SPIRE1: variants seen among roughly 807,000 people sequenced by gnomAD.
The protein encoded by SPIRE1 is protein spire homolog 1.
A neutral mutation model predicts 94.1 loss-of-function variants in SPIRE1; 40 were observed. The observed-to-expected ratio is 0.43, with a 90% CI of 0.33 to 0.55. The LOEUF (loss-of-function observed/expected upper bound fraction) is 0.55. Among genes scored for constraint, SPIRE1 ranks in the 20% least tolerant of loss-of-function variants. The pLI is 0.06. For missense variants in SPIRE1, 838 were observed against 975.2 expected, an observed-to-expected ratio of 0.86 and a Z score of 1.87; for synonymous variants, 376 against 371.7, an observed-to-expected ratio of 1.01 and a Z score of -0.13.
intron 2 of SPIRE1, among the ~76,000 whole-genome samples, chr18:12,619,171 T>C (rs567277703): frequency 3.9e-5 from 6 of 152,264 alleles, no homozygotes; most frequent in African/African-American, 9.6e-5. Context: ...ACTGGGATTA[T>C]AGACGTGGGC....
At chr18:12,569,340 CAAAAAA>C (rs11344272) in intron 2 of SPIRE1, among the ~76,000 whole-genome samples, 1 of 114,416 alleles carries the variant, frequency 8.7e-6, no homozygotes, top group Admixed American at 8.8e-5. Context: ...GACTCCGTCT[CAAAAAA>C]AAAAAAAAAA....
At chr18:12,471,103 TAAA>T (rs138606031) in intron 10 of SPIRE1, among the ~76,000 whole-genome samples, 10 of 96,916 alleles carry the variant, frequency 1.0e-4, no homozygotes, top group Non-Finnish European at 1.3e-4. Flanking sequence ...CATCTTTCAG[TAAA>T]AAAAAAAAAA....
At chr18:12,538,356 G>A (rs368651090) in intron 3 of SPIRE1, among the ~76,000 whole-genome samples, 1 of 152,146 alleles carries the variant, frequency 6.6e-6, no homozygotes, top group African/African-American at 2.4e-5. Context: ...ATTTAACATT[G>A]CTGGGTTTCC....
Position 12,447,736 on chromosome 18 carries a change from C to T in SPIRE1, c.*1902G>A, listed in dbSNP as rs1314973330. On this transcript the variant is annotated 3_prime_UTR_variant, in exon 17 of 17. Coordinates refer to ENST00000409402, the MANE Select transcript of SPIRE1 (RefSeq NM_001128626.2). ...TTGCTTTGTGAATGTGAATGAAAGT[C>T]TTATTTTGGGGGTGTAGTTTCTTAT... is the stretch of plus-strand genomic sequence containing the variant. 6.6e-6 allele frequency: 1 copy of T among 152,104 alleles called. No individual in the cohort carries two copies. Among genetic ancestry groups the T allele is most frequent in the African/African-American group, 2.4e-5 (1 of 41,410 alleles). The allele number at this position is 152,104 out of a possible 1,614,324, so 9.4% of individuals were successfully genotyped here. A position where few individuals can be genotyped will look rare whatever the true frequency, so the allele number is the denominator to read the frequency against.
chr18:12,652,630 C>T (rs917434251), intron 1 of SPIRE1, among the ~76,000 whole-genome samples: 3 of 151,940 alleles, frequency 2.0e-5, no homozygotes, highest in Non-Finnish European at 4.4e-5. Context: ...ACTTTTATGG[C>T]CATGCTAGCA....
At chr18:12,645,055 G>A (rs2038187148) in intron 1 of SPIRE1, among the ~76,000 whole-genome samples, 1 of 151,832 alleles carries the variant, frequency 6.6e-6, no homozygotes. Flanking sequence ...AGACCAGCCT[G>A]GGGAACCTGG....
chr18:12,534,377 T>A (rs563462937), intron 4 of SPIRE1, among the ~76,000 whole-genome samples: 1 of 152,348 alleles, frequency 6.6e-6, no homozygotes, highest in Admixed American at 6.5e-5. Flanking sequence ...GTAAAAGAAA[T>A]GATACTGTGA....
chr18:12,529,185 T>C lies in SPIRE1; in HGVS notation c.729+6291A>G, dbSNP rs887008092. Among the ~76,000 whole-genome samples, 4 of 151,960 alleles carry C rather than the reference T, an allele frequency of 2.6e-5. No individual in the cohort carries two copies. In the East Asian group the frequency reaches 5.8e-4, roughly 22 times the overall value. ...GAGATCAAGACCATCCTGGCTAACA[T>C]GGTGAAACCCCGTCTCTACTAAAAA... On this transcript the variant is annotated intron_variant, in intron 4 of 16. Transcript: ENST00000409402.
rs143033395 is a variant in SPIRE1 at position 12,576,837 on chromosome 18, C to T, written c.373-29933G>A. 9.8e-3 allele frequency among the ~76,000 whole-genome samples: 1,385 copies of T among 141,462 alleles called. 29 individuals are homozygous for T. Among genetic ancestry groups the T allele is most frequent in the African/African-American group, 0.033 (1,273 of 38,480 alleles). 92.8% of individuals were successfully genotyped at this position (141,462 alleles called of 152,430 possible). ...CCGGGAGGTGAAGGTTGCAGTGAGCCGAGATTGCGCCACTGCACTGAAGCC... is the reference window on the plus strand; with the variant it reads ...CCGGGAGGTGAAGGTTGCAGTGAGCTGAGATTGCGCCACTGCACTGAAGCC... On this transcript the variant is annotated intron_variant, in intron 2 of 16. Transcript: ENST00000409402.
rs1950633877 is a variant in SPIRE1, at chr18:12,546,716, C to A, written c.561G>T (p.Lys187Asn). 3 of 1,614,036 alleles carry A rather than the reference C, an allele frequency of 1.9e-6. No individual in the cohort carries two copies. In the South Asian group the frequency reaches 3.3e-5, roughly 18 times the overall value. Residue 187 changes from lysine to asparagine, a missense_variant, in exon 3 of 17, where the codon AAG becomes AAT. By Grantham distance (94) the Lys-to-Asn change is moderately conservative. This residue lies in a region of SPIRE1 where 645 missense variants were observed against 804.7 expected (regional missense o/e 0.80). Transcript: ENST00000409402. Reference sequence around the variant, plus strand: ...ATGACCGAATAGCTGAGATTTTTCTCTTTTCATCTTCATCTCCCAGGCCTT... The same window carrying A: ...ATGACCGAATAGCTGAGATTTTTCTATTTTCATCTTCATCTCCCAGGCCTT... Reference protein sequence around the residue: ...AEEGLGDEDEKRKISAIRSYR... With the variant: ...AEEGLGDEDENRKISAIRSYR...
chr18:12,591,388 A>C (rs2036530067), intron 2 of SPIRE1, among the ~76,000 whole-genome samples: 1 of 152,240 alleles, frequency 6.6e-6, no homozygotes, highest in Non-Finnish European at 1.5e-5. Flanking sequence ...CAGGTCACAC[A>C]GGGCCTTGCT....
intron 2 of SPIRE1, among the ~76,000 whole-genome samples, chr18:12,599,123 T>C (rs1342579603): frequency 1.3e-5 from 2 of 152,176 alleles, no homozygotes; most frequent in Non-Finnish European, 2.9e-5. Context: ...ATGACCACAA[T>C]ATAATTATAA....
chr18:12,660,672 G>A (rs577288953), upstream of SPIRE1, among the ~76,000 whole-genome samples: 17 of 151,916 alleles, frequency 1.1e-4, no homozygotes, highest in African/African-American at 4.1e-4. Context: ...TTCCTTGAGT[G>A]ATGATTTTTT....
chr18:12,515,452 G>A (rs2034169673), intron 4 of SPIRE1, among the ~76,000 whole-genome samples: 1 of 152,138 alleles, frequency 6.6e-6, no homozygotes, highest in South Asian at 2.1e-4. Flanking sequence ...GGAGGTTGCG[G>A]CTACAAGTGA....
chr18:12,652,456 G>A (rs1421599975), intron 1 of SPIRE1, among the ~76,000 whole-genome samples: 1 of 151,938 alleles, frequency 6.6e-6, no homozygotes, highest in African/African-American at 2.4e-5. Context: ...AAACTCTCTT[G>A]ATTCTAAGCA....
intron 1 of SPIRE1, among the ~76,000 whole-genome samples, chr18:12,644,094 G>C (rs1476704726): frequency 6.6e-6 from 1 of 151,204 alleles, no homozygotes; most frequent in Non-Finnish European, 1.5e-5. Flanking sequence ...AGCTACTTGG[G>C]AGGCTGAGGA....
intron 2 of SPIRE1, among the ~76,000 whole-genome samples, chr18:12,582,717 A>G (rs2036287908): frequency 6.6e-6 from 1 of 152,304 alleles, no homozygotes; most frequent in South Asian, 2.1e-4. Flanking sequence ...AGAGCATGGG[A>G]GCCAGGTTAT....
At chr18:12,624,070 CGTG>C (rs2037552009) in intron 2 of SPIRE1, among the ~76,000 whole-genome samples, 1 of 151,198 alleles carries the variant, frequency 6.6e-6, no homozygotes, top group African/African-American at 2.4e-5. Flanking sequence ...ATTACAGGCA[CGTG>C]TCACCACACC....
At chr18:12,543,851 A>G (rs962453494) in intron 3 of SPIRE1, among the ~76,000 whole-genome samples, 8 of 152,384 alleles carry the variant, frequency 5.2e-5, no homozygotes, top group Middle Eastern at 3.4e-3. Context: ...TTCTCTTCCA[A>G]CAAAGTAAAC....
Sources: allele counts gnomAD v4.1 joint callset (sites outside exome capture counted in the v4.1 genomes callset), GRCh38; gene constraint gnomAD v4.1.1; regional missense constraint gnomAD v4.1.1; transcripts MANE v1.5; gene names NCBI Gene and HGNC (gene_info 2026-07-23, HGNC 2026-07-21).